Variants in DCBLD2 observed in about 807,000 individuals in gnomAD.
The protein encoded by DCBLD2 is discoidin, CUB and LCCL domain-containing protein 2.
DCBLD2 carries 54 observed loss-of-function variants against 86.8 expected under a neutral mutation model. That is an observed-to-expected ratio of 0.62 (90% confidence interval 0.50 to 0.78). The LOEUF is 0.78. DCBLD2 is among the 30% of genes least tolerant of loss of function. DCBLD2 has a pLI of 0.00. For missense variants in DCBLD2, 908 were observed against 954.2 expected (o/e 0.95, Z 0.64); for synonymous variants, 354 against 341.3 (o/e 1.04, Z -0.41).
intron 9 of DCBLD2, chr3:98,816,412 A>G (rs1446293394): frequency 6.6e-6 from 1 of 152,176 alleles, no homozygotes; most frequent in Non-Finnish European, 1.5e-5. Flanking sequence ...AAATTTAGCT[A>G]TATTCCACAA....
intron 8 of DCBLD2, among the ~76,000 whole-genome samples, chr3:98,818,149 C>A (rs933562178): frequency 6.6e-6 from 1 of 152,074 alleles, no homozygotes; most frequent in African/African-American, 2.4e-5. Flanking sequence ...TTTATAACGT[C>A]GTAAAATAGA....
intron 3 of DCBLD2, among the ~76,000 whole-genome samples, chr3:98,828,950 G>A (rs555175494): frequency 9.2e-5 from 14 of 152,110 alleles, no homozygotes; most frequent in African/African-American, 2.2e-4. Context: ...GAAATGTTTC[G>A]AATAGGCAAA....
chr3:98,819,144 T>C lies in DCBLD2; in HGVS notation c.1087+58A>G, dbSNP rs189223850. 1.5e-4 allele frequency: 216 copies of C among 1,443,560 alleles called. 1 individual carries two copies. In the African/African-American group the frequency reaches 3.0e-3, roughly 20 times the overall value. 89.4% of individuals were successfully genotyped at this position (1,443,560 alleles called of 1,614,324 possible). A position where few individuals can be genotyped will look rare whatever the true frequency, so the allele number is the denominator to read the frequency against. On this transcript the variant is annotated intron_variant, in intron 8 of 15. Transcript: ENST00000326840. ...TTTCTCTGAAAATCTTAGATGTTAC[T>C]AGTTTTTCAAATAAAATAAGTGTTA...
At chr3:98,800,822 A>T in intron 14 of DCBLD2, 106 bp from the exon 15 acceptor site, 1 of 1,508,860 alleles carries the variant, frequency 6.6e-7, no homozygotes, top group African/African-American at 1.4e-5. Context: ...TCTATAACAA[A>T]TATCTCTACA....
At chr3:98,834,135 T>C (rs868050766) in intron 3 of DCBLD2, among the ~76,000 whole-genome samples, 1 of 86,182 alleles carries the variant, frequency 1.2e-5, no homozygotes, top group South Asian at 5.9e-4. Flanking sequence ...GTGAGTAGAG[T>C]TGTTTTCTTT....
chr3:98,811,407 T>A, intron 11 of DCBLD2, 61 bp downstream of exon 11: 1 of 1,612,448 alleles, frequency 6.2e-7, no homozygotes, highest in Non-Finnish European at 8.5e-7. Flanking sequence ...TTAATATATT[T>A]TTGGAAAGTT....
chr3:98,871,281 C>T (rs2107512696), intron 2 of DCBLD2, among the ~76,000 whole-genome samples: 1 of 152,234 alleles, frequency 6.6e-6, no homozygotes, highest in South Asian at 2.1e-4. Flanking sequence ...TTTATTTCTT[C>T]TCTTGCCTGA....
chr3:98,881,433 T>G, intron 2 of DCBLD2, 107 bp downstream of exon 2: 1 of 982,040 alleles, frequency 1.0e-6, no homozygotes, highest in Non-Finnish European at 1.5e-6. Flanking sequence ...TTCAATAATT[T>G]CCCACATAGC....
intron 2 of DCBLD2, among the ~76,000 whole-genome samples, chr3:98,872,542 C>T (rs1006620651): frequency 1.9e-4 from 29 of 151,988 alleles, no homozygotes; most frequent in Non-Finnish European, 2.8e-4. Flanking sequence ...TCTGTCGTAG[C>T]CACACTAAAC....
At chr3:98,868,669 A>C (rs981427162) in intron 2 of DCBLD2, among the ~76,000 whole-genome samples, 2 of 152,018 alleles carry the variant, frequency 1.3e-5, no homozygotes, top group African/African-American at 4.8e-5. Context: ...TTATTTATCC[A>C]CAAGGTTAGT....
At position 98,796,414 on chromosome 3, in the gene DCBLD2, A is replaced by G. The variant is rs1941598426; in HGVS notation, c.*2958T>C. On this transcript the variant is annotated 3_prime_UTR_variant, in exon 16 of 16. Transcript: ENST00000326840. Reference sequence around the variant, plus strand: ...AAAGCAGAGAATCGTTTCATGTGACATGATGTTTCTATAGACCTCTTGCTC... The same window carrying G: ...AAAGCAGAGAATCGTTTCATGTGACGTGATGTTTCTATAGACCTCTTGCTC... 1 of 152,694 alleles carries G rather than the reference A, an allele frequency of 6.5e-6. No individual in the cohort carries two copies. Among genetic ancestry groups the G allele is most frequent in the South Asian group, 2.1e-4 (1 of 4,834 alleles). 9.5% of individuals were successfully genotyped at this position (152,694 alleles called of 1,614,324 possible).
In DCBLD2 at chr3:98,819,202, C is replaced by T. The variant is rs1378423088; in HGVS notation, c.1087G>A (p.Gly363Ser). Residue 363 changes from glycine (G) to serine (S), a missense_variant and splice_region_variant, in exon 8 of 16, where the codon GGC becomes AGC. This residue lies in a region of DCBLD2 where 606 missense variants were observed against 678.5 expected (regional missense o/e 0.89). Transcript: ENST00000326840. ...CTTTAGAAAATTTTTGTCTCTTAAC[C>T]TGTTATTTTCTTTTCCTTATTCAAA... Reference protein sequence around the residue: ...IDLNKEKKITGIITTGSTMVE... With the variant: ...IDLNKEKKITSIITTGSTMVE... 1.3e-6 allele frequency: 2 copies of T among 1,554,356 alleles called. No homozygotes were observed. Among genetic ancestry groups the T allele is most frequent in the Non-Finnish European group, 1.7e-6 (2 of 1,147,940 alleles).
chr3:98,867,263 T>C (rs931019661), intron 2 of DCBLD2, among the ~76,000 whole-genome samples: 10 of 152,204 alleles, frequency 6.6e-5, no homozygotes, highest in Admixed American at 5.2e-4. Context: ...GGTAGCTTGA[T>C]GGGGATGGCA....
chr3:98,827,572 G>A (rs1323039807), intron 3 of DCBLD2, among the ~76,000 whole-genome samples: 1 of 152,168 alleles, frequency 6.6e-6, no homozygotes, highest in Non-Finnish European at 1.5e-5. Context: ...CAAATTCCAT[G>A]GAAGTTCAAA....
chr3:98,824,313 G>A (rs896660029), intron 4 of DCBLD2, among the ~76,000 whole-genome samples: 3 of 119,462 alleles, frequency 2.5e-5, no homozygotes, highest in Non-Finnish European at 5.6e-5. Context: ...ACACCATTAG[G>A]CAATAGTACA....
At chr3:98,875,106 T>C (rs1272371884) in intron 2 of DCBLD2, among the ~76,000 whole-genome samples, 4 of 151,310 alleles carry the variant, frequency 2.6e-5, no homozygotes, top group East Asian at 1.9e-4. Flanking sequence ...GCATAAGAAA[T>C]GGAAAAAAAG....
At chr3:98,846,955 AAAAT>A (rs1315577942) in intron 3 of DCBLD2, among the ~76,000 whole-genome samples, 6 of 152,232 alleles carry the variant, frequency 3.9e-5, no homozygotes, top group African/African-American at 1.2e-4. Context: ...AATATGAATC[AAAAT>A]AAATAATTTA....
At chr3:98,879,630 G>A (rs369917763) in intron 2 of DCBLD2, among the ~76,000 whole-genome samples, 93 of 152,112 alleles carry the variant, frequency 6.1e-4, no homozygotes, top group African/African-American at 2.1e-3. Context: ...CTCGTGATCC[G>A]CCCACCTCGG....
At chr3:98,821,867 G>A (rs183584429) in intron 6 of DCBLD2, among the ~76,000 whole-genome samples, 248 of 152,102 alleles carry the variant, frequency 1.6e-3, no homozygotes, top group Admixed American at 6.4e-3. Flanking sequence ...CCAACATGGT[G>A]AAACCCCGCC....
Sources: gnomAD v4.1 joint callset for allele counts (sites outside exome capture counted in the v4.1 genomes callset) on GRCh38, gnomAD v4.1.1 for gene constraint, gnomAD v4.1.1 regional missense constraint, MANE v1.5 for transcripts, NCBI Gene and HGNC (gene_info 2026-07-23, HGNC 2026-07-21) for gene names.